The following MSRA variants were observed in gnomAD, a reference collection of about 807,000 sequenced individuals.
The protein encoded by MSRA is mitochondrial peptide methionine sulfoxide reductase.
MSRA carries 54 observed loss-of-function variants against 31.3 expected under a neutral mutation model. The observed-to-expected ratio is 1.73, with a 90% CI of 1.39 to 2.17. The LOEUF is 2.17. Ranked by LOEUF, MSRA falls within the 30% of genes most tolerant of loss-of-function variation. The pLI, the probability that MSRA is intolerant of heterozygous loss-of-function variation, is 0.00. For missense variants in MSRA, 507 were observed against 300.9 expected (o/e 1.69, Z -5.07); for synonymous variants, 169 against 116.5 (o/e 1.45, Z -2.90).
chr8:10,074,371 C>T (rs377177116), intron 1 of MSRA, among the ~76,000 whole-genome samples: 33 of 151,866 alleles, frequency 2.2e-4, no homozygotes, highest in East Asian at 7.8e-4. Flanking sequence ...TGTGAGCTGC[C>T]GCACCCAGCC....
chr8:10,133,167 G>A (rs774635958), intron 1 of MSRA, among the ~76,000 whole-genome samples: 36 of 152,258 alleles, frequency 2.4e-4, no homozygotes, highest in Non-Finnish European at 3.5e-4. Context: ...GTTTTCCCAC[G>A]GACTGTGGGG....
At chr8:10,259,271 G>A (rs1585297652) in intron 3 of MSRA, among the ~76,000 whole-genome samples, 1 of 152,162 alleles carries the variant, frequency 6.6e-6, no homozygotes, top group Non-Finnish European at 1.5e-5. Flanking sequence ...GCTGTAGCAA[G>A]GTGACAAAAT....
At chr8:10,102,364 T>C (rs1385502050) in intron 1 of MSRA, among the ~76,000 whole-genome samples, 1 of 152,256 alleles carries the variant, frequency 6.6e-6, no homozygotes, top group Non-Finnish European at 1.5e-5. Flanking sequence ...ATAATTTCTA[T>C]TGTTCTTACC....
chr8:10,189,860 C>T (rs1033706894), intron 1 of MSRA, among the ~76,000 whole-genome samples: 2 of 152,120 alleles, frequency 1.3e-5, no homozygotes, highest in African/African-American at 4.8e-5. Flanking sequence ...AAGGTTCCCC[C>T]TTCCTCTTTT....
intron 3 of MSRA, among the ~76,000 whole-genome samples, chr8:10,296,483 C>G (rs1041291595): frequency 2.0e-5 from 3 of 152,064 alleles, no homozygotes. Flanking sequence ...AGTAGGACAC[C>G]CGGGATCACA....
chr8:10,244,996 C>T, intron 2 of MSRA, 108 bp from the exon 3 acceptor site: 2 of 966,002 alleles, frequency 2.1e-6, no homozygotes, highest in Non-Finnish European at 2.9e-6. Context: ...TATCAAATGA[C>T]AGGAGCAACT....
chr8:10,195,389 T>A (rs1270354690), intron 1 of MSRA, among the ~76,000 whole-genome samples: 2 of 152,204 alleles, frequency 1.3e-5, no homozygotes, highest in Non-Finnish European at 2.9e-5. Context: ...TACAGGCACA[T>A]GCCACCACGC....
rs534075154 is a variant in MSRA, at chr8:10,277,548, A to C, written c.332-23986A>C. ...AGTGTGTTTCACTGGGTCTGGTTCC[A>C]ATACAGTCGTCTTGCTTTTTCTCTG... On this transcript the variant is annotated intron_variant, in intron 3 of 5. Coordinates refer to ENST00000317173, the MANE Select transcript of MSRA (RefSeq NM_012331.5). Among the ~76,000 whole-genome samples the C allele has an allele frequency of 6.0e-4, 91 of 152,338 alleles. 1 individual carries two copies. The highest frequency in any genetic ancestry group is 6.6e-4 in the Non-Finnish European group (45 of 68,036).
intron 1 of MSRA, among the ~76,000 whole-genome samples, chr8:10,201,101 G>A (rs1311782254): frequency 6.6e-6 from 1 of 152,156 alleles, no homozygotes; most frequent in Non-Finnish European, 1.5e-5. Context: ...AAGAGGGACT[G>A]TGAGACCATA....
At chr8:10,289,004 T>C (rs915114824) in intron 3 of MSRA, among the ~76,000 whole-genome samples, 5 of 152,056 alleles carry the variant, frequency 3.3e-5, no homozygotes. Flanking sequence ...CTTTTTTCTT[T>C]TTGAATTATT....
At chr8:10,240,716 G>A (rs1191325371) in intron 2 of MSRA, among the ~76,000 whole-genome samples, 1 of 152,106 alleles carries the variant, frequency 6.6e-6, no homozygotes, top group African/African-American at 2.4e-5. Context: ...GAACCAGTTG[G>A]GAGGATTTTT....
intron 1 of MSRA, among the ~76,000 whole-genome samples, chr8:10,121,275 A>T (rs1032691340): frequency 6.6e-6 from 1 of 152,168 alleles, no homozygotes; most frequent in African/African-American, 2.4e-5. Flanking sequence ...CTTGAAATAG[A>T]TAACTTGGCA....
At chr8:10,077,421 C>A (rs1366908906) in intron 1 of MSRA, among the ~76,000 whole-genome samples, 1 of 148,874 alleles carries the variant, frequency 6.7e-6, no homozygotes, top group Admixed American at 6.7e-5. Flanking sequence ...TGAAGAAAAT[C>A]TAAATTTTGT....
In MSRA at chr8:10,426,959, T is replaced by C. The variant is rs576485179; in HGVS notation, c.544-1189T>C. ...GTCTTGGCGGGGACCCTGCCCCTTG[T>C]CGTTCCGGACCTGCTGGGCCTTCTG... On this transcript the variant is annotated intron_variant, in intron 5 of 5. Coordinates refer to ENST00000317173, the MANE Select transcript of MSRA (RefSeq NM_012331.5). Among the ~76,000 whole-genome samples the C allele has an allele frequency of 7.8e-3, 273 of 35,224 alleles. 1 individual carries two copies. The highest frequency in any genetic ancestry group is 0.013 in the Non-Finnish European group (193 of 15,440). 23.1% of individuals were successfully genotyped at this position (35,224 alleles called of 152,430 possible).
At chr8:10,190,517 C>T (rs1381545146) in intron 1 of MSRA, among the ~76,000 whole-genome samples, 6 of 152,190 alleles carry the variant, frequency 3.9e-5, no homozygotes, top group South Asian at 2.1e-4. Context: ...TGGCCAAGCC[C>T]GCAAACTTCT....
chr8:10,249,722 C>A (rs1797818442), intron 3 of MSRA, among the ~76,000 whole-genome samples: 1 of 152,132 alleles, frequency 6.6e-6, no homozygotes, highest in Non-Finnish European at 1.5e-5. Flanking sequence ...TGTTCTGATG[C>A]ATTTCTGATC....
chr8:10,219,430 T>C (rs1810286310), intron 2 of MSRA, among the ~76,000 whole-genome samples: 1 of 152,168 alleles, frequency 6.6e-6, no homozygotes, highest in African/African-American at 2.4e-5. Flanking sequence ...ACACATCTCG[T>C]GTATGTATTT....
intron 4 of MSRA, among the ~76,000 whole-genome samples, chr8:10,301,906 C>T (rs188317558): frequency 2.6e-5 from 4 of 152,270 alleles, no homozygotes; most frequent in Admixed American, 2.6e-4. Flanking sequence ...AATAGCGATC[C>T]GTTCACCTTT....
chr8:10,091,477 A>G (rs1798849845), intron 1 of MSRA, among the ~76,000 whole-genome samples: 1 of 152,176 alleles, frequency 6.6e-6, no homozygotes, highest in South Asian at 2.1e-4. Context: ...ATGGACACTT[A>G]GGCTGATTTC....
Sources: allele counts gnomAD v4.1 joint callset (sites outside exome capture counted in the v4.1 genomes callset), GRCh38; gene constraint gnomAD v4.1.1; transcripts MANE v1.5; gene names NCBI Gene and HGNC (gene_info 2026-07-23, HGNC 2026-07-21).